The following PPP2R5C variants were observed in gnomAD, a reference collection of about 807,000 sequenced individuals.
PPP2R5C encodes serine/threonine-protein phosphatase 2A 56 kDa regulatory subunit gamma isoform.
Under a neutral mutation model 68.9 loss-of-function variants are expected in PPP2R5C, and 7 were observed. That is an observed-to-expected ratio of 0.10 (90% CI 0.06 to 0.19). The LOEUF (loss-of-function observed/expected upper bound fraction) is 0.19, where lower values mean the gene tolerates loss of function less well. PPP2R5C is among the 10% of genes least tolerant of loss of function. PPP2R5C has a pLI of 1.00. For missense variants in PPP2R5C, 348 were observed against 641.3 expected, an observed-to-expected ratio of 0.54 and a Z score of 4.94; for synonymous variants, 210 against 222.2, an observed-to-expected ratio of 0.95 and a Z score of 0.49.
intron 2 of PPP2R5C, among the ~76,000 whole-genome samples, chr14:101,785,304 C>T (rs2038041289): frequency 6.6e-6 from 1 of 152,160 alleles, no homozygotes; most frequent in East Asian, 1.9e-4. Flanking sequence ...CATGCAGTGG[C>T]TCCAAAGAGC....
chr14:101,922,492 AATAAAT>A (rs2047065891), intron 13 of PPP2R5C, among the ~76,000 whole-genome samples: 1 of 101,932 alleles, frequency 9.8e-6, no homozygotes, highest in African/African-American at 7.3e-5. Flanking sequence ...CTGTGTCAAA[AATAAAT>A]ATAAAATAAT....
intron 1 of PPP2R5C, among the ~76,000 whole-genome samples, chr14:101,830,830 G>A (rs1296233271): frequency 6.6e-6 from 1 of 152,234 alleles, no homozygotes; most frequent in East Asian, 1.9e-4. Context: ...TGCAGTCTAA[G>A]AGAACACAAA....
At chr14:101,887,706 C>G (rs952716485) in intron 5 of PPP2R5C, among the ~76,000 whole-genome samples, 4 of 152,226 alleles carry the variant, frequency 2.6e-5, no homozygotes, top group African/African-American at 9.6e-5. Context: ...AGAGTGACTT[C>G]TGCCCTTTGT....
Position 101,761,940 on chromosome 14 carries a change from CG to C in PPP2R5C, c.27+23del. ...GAGAAAGTGAGTCCGGGCCCGGCCG[CG>C]GGACGGAGGGAGCAGGGAGGGACTG... On this transcript the variant is annotated intron_variant, in intron 1 of 14. Coordinates refer to the PPP2R5C transcript ENST00000328724. 8.4e-7 allele frequency: 1 copy of C among 1,189,534 alleles called. No homozygotes were observed. Among genetic ancestry groups the C allele is most frequent in the Non-Finnish European group, 1.1e-6 (1 of 951,366 alleles). The allele number at this position is 1,189,534 out of a possible 1,614,324, so 73.7% of individuals were successfully genotyped here. A position where few individuals can be genotyped will look rare whatever the true frequency, so the allele number is the denominator to read the frequency against.
At chr14:101,793,997 C>G (rs2038491900) in intron 3 of PPP2R5C, among the ~76,000 whole-genome samples, 1 of 152,222 alleles carries the variant, frequency 6.6e-6, no homozygotes, top group South Asian at 2.1e-4. Flanking sequence ...CTTCTCTTCT[C>G]TCTACCAGCT....
At chr14:101,838,211 G>T (rs907364198) in intron 1 of PPP2R5C, among the ~76,000 whole-genome samples, 1 of 152,252 alleles carries the variant, frequency 6.6e-6, no homozygotes, top group Non-Finnish European at 1.5e-5. Flanking sequence ...GGGGCAGACA[G>T]CGATGAAGCG....
intron 1 of PPP2R5C, among the ~76,000 whole-genome samples, chr14:101,832,856 TA>T (rs750767025): frequency 2.6e-5 from 4 of 152,238 alleles, no homozygotes; most frequent in Non-Finnish European, 5.9e-5. Context: ...CTTCTGCATT[TA>T]CTCAGTAACA....
intron 1 of PPP2R5C, among the ~76,000 whole-genome samples, chr14:101,854,159 G>A (rs929199811): frequency 6.6e-6 from 1 of 152,186 alleles, no homozygotes; most frequent in Non-Finnish European, 1.5e-5. Flanking sequence ...TGAGTTCTCA[G>A]AGTATTTAGG....
intron 3 of PPP2R5C, among the ~76,000 whole-genome samples, chr14:101,798,654 A>G (rs1476897225): frequency 1.3e-5 from 2 of 152,248 alleles, no homozygotes; most frequent in Non-Finnish European, 2.9e-5. Context: ...TTGTAGTTAT[A>G]GCATTTGATG....
exon 14 of PPP2R5C, chr14:101,925,803 C>T (rs781743700): frequency 6.5e-6 from 1 of 152,898 alleles, no homozygotes; most frequent in Non-Finnish European, 1.5e-5. Flanking sequence ...ACGCAACGTA[C>T]TGGGCAAATG....
chr14:101,860,715 C>G (rs2042692045), intron 2 of PPP2R5C, among the ~76,000 whole-genome samples: 2 of 152,210 alleles, frequency 1.3e-5, no homozygotes, highest in Admixed American at 1.3e-4. Flanking sequence ...TTACAGCCGT[C>G]CTAGTGGGTG....
intron 2 of PPP2R5C, among the ~76,000 whole-genome samples, chr14:101,773,879 G>C (rs924261963): frequency 1.3e-5 from 2 of 152,188 alleles, no homozygotes; most frequent in Non-Finnish European, 2.9e-5. Context: ...TTTTTTTGTA[G>C]AGAAGGGGTC....
intron 2 of PPP2R5C, among the ~76,000 whole-genome samples, chr14:101,776,805 C>T (rs1440463852): frequency 6.6e-6 from 1 of 152,026 alleles, no homozygotes; most frequent in Non-Finnish European, 1.5e-5. Flanking sequence ...ATTTGTCCTT[C>T]TGTGTCTGGC....
At chr14:101,844,482 G>C (rs1282676008) in intron 1 of PPP2R5C, among the ~76,000 whole-genome samples, 1 of 152,190 alleles carries the variant, frequency 6.6e-6, no homozygotes, top group East Asian at 1.9e-4. Context: ...GGTAGGTCCT[G>C]GCACACAGGC....
intron 3 of PPP2R5C, among the ~76,000 whole-genome samples, chr14:101,788,394 C>T (rs1405163677): frequency 1.3e-5 from 2 of 152,148 alleles, no homozygotes; most frequent in East Asian, 1.9e-4. Context: ...GTTTTGTCGC[C>T]GTATATTATT....
chr14:101,873,839 G>A (rs554659693), intron 2 of PPP2R5C, among the ~76,000 whole-genome samples: 1 of 152,260 alleles, frequency 6.6e-6, no homozygotes, highest in African/African-American at 2.4e-5. Flanking sequence ...CAGGAGCCTG[G>A]GGCGGTGTGG....
intron 1 of PPP2R5C, chr14:101,823,837 C>G: frequency 1.7e-6 from 2 of 1,194,906 alleles, no homozygotes; most frequent in Non-Finnish European, 2.1e-6. Flanking sequence ...ACTTTCTGCT[C>G]TCAGCTTTTT....
chr14:101,810,098 G>C lies in PPP2R5C; in HGVS notation c.94+62G>C, dbSNP rs2039263899. 2.1e-6 allele frequency: 3 copies of C among 1,443,912 alleles called. No individual in the cohort carries two copies. The South Asian group carries it at 3.5e-5, about 17-fold the overall frequency. 89.4% of individuals were successfully genotyped at this position (1,443,912 alleles called of 1,614,324 possible). On this transcript the variant is annotated intron_variant, in intron 1 of 13. Coordinates refer to ENST00000334743, the Ensembl canonical transcript of PPP2R5C. ...CGTGGGTAGTTAATAAATGGCTATT[G>C]TGCTTCAGATAAGAAAAGCAGGAAG...
chr14:101,773,218 C>G (rs937066949), intron 2 of PPP2R5C, among the ~76,000 whole-genome samples: 1 of 152,030 alleles, frequency 6.6e-6, no homozygotes, highest in Non-Finnish European at 1.5e-5. Flanking sequence ...GTGTTTTCTG[C>G]GGGGCACTAG....
Sources: gnomAD v4.1 joint callset for allele counts (sites outside exome capture counted in the v4.1 genomes callset) on GRCh38, gnomAD v4.1.1 for gene constraint, MANE v1.5 for transcripts, NCBI Gene and HGNC (gene_info 2026-07-23, HGNC 2026-07-21) for gene names.